FGD2: variants seen among roughly 807,000 people sequenced by gnomAD.
FGD2 encodes the protein FYVE, RhoGEF and PH domain containing 2, also known as FYVE, RhoGEF and PH domain-containing protein 2.
Under a neutral mutation model 75.9 loss-of-function variants are expected in FGD2, and 52 were observed. The observed-to-expected ratio is 0.69, with a 90% confidence interval of 0.55 to 0.86. The LOEUF is 0.86. FGD2 is among the 40% of genes least tolerant of loss of function. The probability of loss-of-function intolerance (pLI) is 0.00; values close to 1 mark genes in which losing one functional copy is unlikely to be tolerated. For missense variants in FGD2, 790 were observed against 872.0 expected, an observed-to-expected ratio of 0.91 and a Z score of 1.18; for synonymous variants, 347 against 348.6, an observed-to-expected ratio of 1.00 and a Z score of 0.05.
chr6:37,008,803 G>A, intron 1 of FGD2, 31 bp from the exon 2 acceptor site: 1 of 1,517,356 alleles, frequency 6.6e-7, no homozygotes, highest in Non-Finnish European at 8.8e-7. Context: ...TCTCCAGGGA[G>A]GAAGCCCTCA....
intron 9 of FGD2, among the ~76,000 whole-genome samples, chr6:37,019,279 G>A (rs1765450790): frequency 6.6e-6 from 1 of 152,222 alleles, no homozygotes. Flanking sequence ...ACACAAAGAG[G>A]TATTTGGCTC....
Position 37,013,654 on chromosome 6 carries a change from C to A in FGD2, c.573C>A (p.Pro191=), listed in dbSNP as rs748778833. Residue 191 remains proline (P), a synonymous_variant, in exon 5 of 16, where the codon CCC becomes CCA. Coordinates refer to ENST00000274963, the MANE Select transcript of FGD2 (RefSeq NM_173558.4). Reference sequence around the variant, plus strand: ...GTGACGTGATCCAGAAGCTGGCCCCCTTCCTGAAGATGTACAGTGAGTATG... The same window carrying A: ...GTGACGTGATCCAGAAGCTGGCCCCATTCCTGAAGATGTACAGTGAGTATG... ...RIGDVIQKLA[P]FLKMYSEYVK... 3 of 1,614,110 alleles carry A rather than the reference C, an allele frequency of 1.9e-6. No individual in the cohort carries two copies. The highest frequency in any genetic ancestry group is 2.5e-6 in the Non-Finnish European group (3 of 1,179,976).
rs748270405 is a variant in FGD2 at position 37,014,050 on chromosome 6, A to T, written c.773A>T (p.Glu258Val). The T allele has an allele frequency of 5.6e-6, 9 of 1,614,112 alleles. No homozygotes were observed. The South Asian group carries it at 9.9e-5, about 18-fold the overall frequency. The change falls in exon 6 of 16, where the codon GAG becomes GTG. Residue 258 changes from glutamate to valine, a missense_variant. Coordinates refer to ENST00000274963, the MANE Select transcript of FGD2 (RefSeq NM_173558.4). ...CCACGTTACGAGCTGCTGCTCAAGG[A>T]GTACATCCAGAAGCTGCCAGCCCAG... Reference protein sequence around the residue: ...RIPRYELLLKEYIQKLPAQAP... With the variant: ...RIPRYELLLKVYIQKLPAQAP...
At chr6:37,020,890 G>GTGTGTGTGTGTGTGTGTGTGTGCA (rs1561938418) in intron 11 of FGD2, 151 bp downstream of exon 11, 8 of 495,336 alleles carry the variant, frequency 1.6e-5, no homozygotes, top group Non-Finnish European at 2.0e-5. Context: ...ATGTATGCAT[G>GTGTGTGTGTGTGTGTGTGTGTGCA]TGTGTGTGTG....
At chr6:37,025,490 C>T in intron 13 of FGD2, 1 of 412,332 alleles carries the variant, frequency 2.4e-6, no homozygotes, top group East Asian at 4.4e-5. Context: ...GGGTTCACAG[C>T]AGCCCTCACT....
At chr6:37,015,219 G>C (rs1765226778) in intron 8 of FGD2, among the ~76,000 whole-genome samples, 181 bp downstream of exon 8, 1 of 152,192 alleles carries the variant, frequency 6.6e-6, no homozygotes, top group Non-Finnish European at 1.5e-5. Flanking sequence ...CTGCCTCTAA[G>C]CCTCAGAGAT....
At chr6:37,022,051 A>C in intron 12 of FGD2, 188 bp from the exon 13 acceptor site, 1 of 739,182 alleles carries the variant, frequency 1.4e-6, no homozygotes, top group Non-Finnish European at 2.1e-6. Context: ...CTTATACAAT[A>C]GGAATAATGG....
At chr6:37,005,998 C>A in intron 1 of FGD2, 113 bp downstream of exon 1, 2 of 1,192,982 alleles carry the variant, frequency 1.7e-6, no homozygotes, top group Non-Finnish European at 2.4e-6. Flanking sequence ...GCAGGGGCAG[C>A]CCCGCGTTCC....
In FGD2 at chr6:37,022,250, G is replaced by A; in HGVS notation, c.1338G>A (p.Glu446=). 4 of 1,597,296 alleles carry A rather than the reference G, an allele frequency of 2.5e-6. No homozygotes were observed. Among genetic ancestry groups the A allele is most frequent in the Middle Eastern group, 1.7e-4 (1 of 6,006 alleles). Residue 446 remains glutamate, a synonymous_variant, in exon 13 of 16, where the codon GAG becomes GAA. Transcript: ENST00000274963. The part of the protein sequence containing the change: ...GDIQEQELQS[E]ELGLRAPQWV... ...CCCTTAACCCACAGCTGCAGTCTGA[G>A]GAGCTGGGCCTCCGGGCACCGCAGT...
intron 3 of FGD2, 57 bp downstream of exon 3, chr6:37,011,107 C>T (rs1346477716): frequency 2.0e-6 from 3 of 1,498,878 alleles, no homozygotes; most frequent in Non-Finnish European, 2.8e-6. Flanking sequence ...CTCACCTCAC[C>T]CCTTCTCAGC....
intron 4 of FGD2, 190 bp downstream of exon 4, chr6:37,012,044 C>T (rs1765036943): frequency 3.4e-6 from 2 of 587,698 alleles, no homozygotes; most frequent in Non-Finnish European, 5.6e-6. Flanking sequence ...TGTGTGTGTG[C>T]AGACTGCTTC....
chr6:37,016,214 G>A (rs1044026159), intron 9 of FGD2, among the ~76,000 whole-genome samples: 3 of 152,158 alleles, frequency 2.0e-5, no homozygotes, highest in African/African-American at 7.2e-5. Flanking sequence ...TCTGGGTGGG[G>A]GGGTGCCTGA....
chr6:37,021,777 T>C lies in FGD2; in HGVS notation c.1326+173T>C. 4.9e-6 allele frequency: 3 copies of C among 612,104 alleles called. No individual in the cohort carries two copies. The South Asian group carries it at 6.5e-5, about 13-fold the overall frequency. 37.9% of individuals were successfully genotyped at this position (612,104 alleles called of 1,614,324 possible). A position where few individuals can be genotyped will look rare whatever the true frequency, so the allele number is the denominator to read the frequency against. ...ATCCCCCGACTCAGGGCCTGAGCAT[T>C]CCCCTTTAGCAAAACTTCCTTTGAG... On this transcript the variant is annotated intron_variant, in intron 12 of 15. Coordinates refer to ENST00000274963, the MANE Select transcript of FGD2 (RefSeq NM_173558.4).
chr6:37,012,439 C>T (rs1305145106), intron 4 of FGD2, among the ~76,000 whole-genome samples: 2 of 152,020 alleles, frequency 1.3e-5, no homozygotes, highest in East Asian at 1.9e-4. Flanking sequence ...TAGCCAGGTT[C>T]GGTGGCTCAT....
In FGD2 at chr6:37,027,419, C is replaced by G. The variant is rs202059944; in HGVS notation, c.1606-10C>G. ...CTCTGCTCCCTGACAGTCCCTCCTT[C>G]TGGTTTTAGAAAGGGTCCTCAGCCA... is the stretch of plus-strand genomic sequence containing the variant. On this transcript the variant is annotated splice_polypyrimidine_tract_variant and intron_variant, in intron 14 of 15. Transcript: ENST00000274963. The G allele has an allele frequency of 9.3e-5, 149 of 1,598,784 alleles. No individual in the cohort carries two copies. In the African/African-American group the frequency reaches 1.5e-3, roughly 17 times the overall value.
intron 9 of FGD2, among the ~76,000 whole-genome samples, chr6:37,018,207 G>C (rs1196612308): frequency 1.3e-5 from 2 of 152,196 alleles, no homozygotes; most frequent in East Asian, 3.8e-4. Context: ...GTCATAGAGA[G>C]AAAACAGAGA....
At position 37,020,887 on chromosome 6, in the gene FGD2, C is replaced by CGTGTGTGTGTGT. The variant is rs1561938376; in HGVS notation, c.1233+148_1233+149insGTGTGTGTGTGT. On this transcript the variant is annotated intron_variant, in intron 11 of 15. Coordinates refer to ENST00000274963, the MANE Select transcript of FGD2 (RefSeq NM_173558.4). ...AAGGGGAGGGAGTGGTGTATGTATG[C>CGTGTGTGTGTGT]ATGTGTGTGTGTGTGTGTGTGTGTG... The CGTGTGTGTGTGT allele has an allele frequency of 1.9e-5, 13 of 697,240 alleles. No homozygotes were observed. In the African/African-American group the frequency reaches 3.2e-4, roughly 17 times the overall value. The allele number at this position is 697,240 out of a possible 1,614,324, so 43.2% of individuals were successfully genotyped here.
Position 37,027,862 on chromosome 6 carries a change from C to A in FGD2, c.1753-86C>A. 3 of 1,432,876 alleles carry A rather than the reference C, an allele frequency of 2.1e-6. No individual in the cohort carries two copies. In the South Asian group the frequency reaches 3.8e-5, roughly 18 times the overall value. 88.8% of individuals were successfully genotyped at this position (1,432,876 alleles called of 1,614,324 possible). ...ATGGGGGTTTAGGGTGTGAGCTGTG[C>A]GTGCGTGGCTGTTGCCTTCACGATG... is the stretch of plus-strand genomic sequence containing the variant. On this transcript the variant is annotated intron_variant, in intron 15 of 15. Transcript: ENST00000274963.
rs189726437 is a variant in FGD2, at chr6:37,015,412, G to C, written c.1030-356G>C. On this transcript the variant is annotated intron_variant, in intron 8 of 15. Coordinates refer to ENST00000274963, the MANE Select transcript of FGD2 (RefSeq NM_173558.4). ...CACGGAAGAAGCCGGGGGATCTCCT[G>C]ACACCTGGAAAGGTGGTCCTGCCTG... Among the ~76,000 whole-genome samples, 80 of 152,322 alleles carry C rather than the reference G, an allele frequency of 5.3e-4. 3 individuals are homozygous for C. In the East Asian group the frequency reaches 7.3e-3, roughly 14 times the overall value.
Sources: gnomAD v4.1 joint callset for allele counts (sites outside exome capture counted in the v4.1 genomes callset) on GRCh38, gnomAD v4.1.1 for gene constraint, MANE v1.5 for transcripts, NCBI Gene and HGNC (gene_info 2026-07-23, HGNC 2026-07-21) for gene names.